The following MTBP variants were observed in gnomAD, a reference collection of about 807,000 sequenced individuals.
MTBP encodes the protein MDM2 binding protein, also known as mdm2-binding protein.
MTBP carries 101 observed loss-of-function variants against 117.0 expected under a neutral mutation model. The observed-to-expected ratio is 0.86, with a 90% confidence interval of 0.73 to 1.02. MTBP has a LOEUF of 1.02. Ranked by LOEUF, MTBP falls within the 50% of genes least tolerant of loss-of-function variation. The pLI is 0.00. For missense variants in MTBP, 970 were observed against 1,030.9 expected (o/e 0.94, Z 0.81); for synonymous variants, 350 against 351.5 (o/e 1.00, Z 0.05).
At chr8:120,467,344 G>T (rs1349198688) in intron 10 of MTBP, among the ~76,000 whole-genome samples, 1 of 152,228 alleles carries the variant, frequency 6.6e-6, no homozygotes, top group African/African-American at 2.4e-5. Context: ...GCCAGGTGCA[G>T]TGACTCACGC....
chr8:120,521,758 T>C (rs577659190), intron 20 of MTBP, among the ~76,000 whole-genome samples: 3 of 152,372 alleles, frequency 2.0e-5, no homozygotes, highest in Non-Finnish European at 4.4e-5. Flanking sequence ...TTCTTCTTTA[T>C]GATGGAGTCA....
chr8:120,463,190 C>T (rs968570178), intron 9 of MTBP, among the ~76,000 whole-genome samples: 1 of 152,074 alleles, frequency 6.6e-6, no homozygotes, highest in Non-Finnish European at 1.5e-5. Flanking sequence ...TTTCTCCTGC[C>T]ATCAGCATGA....
At position 120,469,253 on chromosome 8, in the gene MTBP, C is replaced by T. The variant is rs147896643; in HGVS notation, c.1048-1567C>T. 1.6e-3 allele frequency among the ~76,000 whole-genome samples: 238 copies of T among 151,774 alleles called. 3 individuals carry two copies. The East Asian group carries it at 0.043, about 27-fold the overall frequency. ...TAGAGACAAGGTTACACCATATTGG[C>T]CAGGGTGGTCTCGAACTCCTGACCT... On this transcript the variant is annotated intron_variant, in intron 10 of 21. Coordinates refer to ENST00000305949, the MANE Select transcript of MTBP (RefSeq NM_022045.5).
chr8:120,515,605 TAG>T (rs1446708064), intron 17 of MTBP, among the ~76,000 whole-genome samples: 4 of 152,042 alleles, frequency 2.6e-5, no homozygotes, highest in Admixed American at 2.6e-4. Context: ...CAGGGGTTGG[TAG>T]AGTTTTAAAA....
chr8:120,459,530 G>C (rs1474343984), intron 8 of MTBP, among the ~76,000 whole-genome samples, 181 bp downstream of exon 8: 1 of 152,136 alleles, frequency 6.6e-6, no homozygotes, highest in Admixed American at 6.5e-5. Flanking sequence ...TGGTGAAAGT[G>C]TCATTGTTTT....
Position 120,512,062 on chromosome 8 carries a change from A to G in MTBP, c.1979+2033A>G, listed in dbSNP as rs539733336. The stretch of plus-strand genomic sequence containing the variant: ...ATCTCCCCCACTTTGTTTGATAAGA[A>G]TTTTAGGACCTGTTAATCTGTTAAT... On this transcript the variant is annotated intron_variant, in intron 17 of 21. Coordinates refer to ENST00000305949, the MANE Select transcript of MTBP (RefSeq NM_022045.5). Among the ~76,000 whole-genome samples, 16 of 152,286 alleles carry G rather than the reference A, an allele frequency of 1.1e-4. No homozygotes were observed. In the South Asian group the frequency reaches 2.7e-3, roughly 26 times the overall value.
chr8:120,481,238 G>A (rs1814077467), intron 11 of MTBP, among the ~76,000 whole-genome samples: 1 of 152,174 alleles, frequency 6.6e-6, no homozygotes. Flanking sequence ...TGCTGGGGAT[G>A]TTCAATAGCA....
At chr8:120,513,807 T>G (rs904429845) in intron 17 of MTBP, among the ~76,000 whole-genome samples, 7 of 152,022 alleles carry the variant, frequency 4.6e-5, no homozygotes, top group African/African-American at 1.7e-4. Flanking sequence ...TTACTCTAGA[T>G]TCTACCAATT....
chr8:120,505,477 A>T (rs140956189), intron 15 of MTBP, among the ~76,000 whole-genome samples: 1 of 152,128 alleles, frequency 6.6e-6, no homozygotes. Flanking sequence ...GACTGTTTTT[A>T]TTAGATTAAT....
chr8:120,486,823 T>A (rs952700357), intron 11 of MTBP, among the ~76,000 whole-genome samples: 1 of 152,166 alleles, frequency 6.6e-6, no homozygotes, highest in African/African-American at 2.4e-5. Context: ...CTCAACTCAA[T>A]GGATAGAAGC....
chr8:120,518,134 C>T (rs1274190534), intron 19 of MTBP, 34 bp downstream of exon 19: 2 of 1,534,296 alleles, frequency 1.3e-6, no homozygotes, highest in Non-Finnish European at 8.8e-7. Flanking sequence ...CTTAGTTCTA[C>T]ATAGGAAGAC....
rs1814943805 is a variant in MTBP at position 120,517,719 on chromosome 8, A to C, written c.2247-132A>C. The stretch of plus-strand genomic sequence containing the variant: ...CAGTGGTATAATATAGTGGTAACAC[A>C]CTGGTAAGACAGAAAATGAACTTCG... On this transcript the variant is annotated intron_variant, in intron 18 of 21. Coordinates refer to ENST00000305949, the MANE Select transcript of MTBP (RefSeq NM_022045.5). 4.9e-6 allele frequency: 4 copies of C among 809,722 alleles called. No homozygotes were observed. The African/African-American group carries it at 6.8e-5, about 14-fold the overall frequency. The allele number at this position is 809,722 out of a possible 1,614,324, so 50.2% of individuals were successfully genotyped here.
chr8:120,497,658 A>T, intron 14 of MTBP, 104 bp downstream of exon 14: 2 of 706,976 alleles, frequency 2.8e-6, no homozygotes, highest in South Asian at 4.7e-5. Context: ...AATGTATTTC[A>T]CAAATTTAAA....
chr8:120,478,255 G>T (rs1380833547), intron 11 of MTBP, among the ~76,000 whole-genome samples: 4 of 152,020 alleles, frequency 2.6e-5, no homozygotes, highest in African/African-American at 9.7e-5. Context: ...GCCTGTCAGG[G>T]TATGGGGGGC....
chr8:120,517,771 T>C (rs1373431915), intron 18 of MTBP, 80 bp from the exon 19 acceptor site: 1 of 1,393,906 alleles, frequency 7.2e-7, no homozygotes, highest in Non-Finnish European at 9.8e-7. Context: ...TGGATATAGT[T>C]GTAATATTTA....
At chr8:120,486,929 C>T (rs1050375335) in intron 11 of MTBP, among the ~76,000 whole-genome samples, 3 of 152,168 alleles carry the variant, frequency 2.0e-5, no homozygotes, top group African/African-American at 7.2e-5. Context: ...AGGATCATTT[C>T]ACCGGTTGTG....
intron 11 of MTBP, among the ~76,000 whole-genome samples, chr8:120,476,978 A>C (rs192486586): frequency 1.5e-4 from 23 of 152,372 alleles, no homozygotes; most frequent in Non-Finnish European, 2.8e-4. Flanking sequence ...AGCTGGAGGC[A>C]TCACGCTACA....
chr8:120,455,531 G>T lies in MTBP; in HGVS notation c.581G>T (p.Arg194Ile). 6.2e-7 allele frequency: 1 copy of T among 1,609,908 alleles called. No homozygotes were observed. Among genetic ancestry groups the T allele is most frequent in the South Asian group, 1.1e-5 (1 of 90,872 alleles). The change falls in exon 6 of 22, where the codon AGA becomes ATA. Residue 194 changes from arginine to isoleucine, a missense_variant. Coordinates refer to ENST00000305949, the MANE Select transcript of MTBP (RefSeq NM_022045.5). ...LPTVGALKHL[R>I]EWYSAKITIA... ...ACTGTAGGAGCATTAAAACATTTGA[G>T]AGAATGGTATTCAGCAAAGATCACT... is the stretch of plus-strand genomic sequence containing the variant.
chr8:120,498,470 A>T (rs1341871390), intron 14 of MTBP, among the ~76,000 whole-genome samples: 1 of 152,198 alleles, frequency 6.6e-6, no homozygotes, highest in Non-Finnish European at 1.5e-5. Context: ...TGGTTATAGC[A>T]TGGACTCTGG....
Sources: gnomAD v4.1 joint callset for allele counts (sites outside exome capture counted in the v4.1 genomes callset) on GRCh38, gnomAD v4.1.1 for gene constraint, MANE v1.5 for transcripts, NCBI Gene and HGNC (gene_info 2026-07-23, HGNC 2026-07-21) for gene names.